The following HBS1L variants were observed in gnomAD, a reference collection of about 807,000 sequenced individuals.
The protein encoded by HBS1L is HBS1-like protein.
Under a neutral mutation model 88.9 loss-of-function variants are expected in HBS1L, and 55 were observed. The ratio of observed to expected loss-of-function variants is 0.62; its 90% confidence interval spans 0.50 to 0.77. The LOEUF (loss-of-function observed/expected upper bound fraction) is 0.77, where lower values mean the gene tolerates loss of function less well. Among genes scored for constraint, HBS1L ranks in the 30% least tolerant of loss-of-function variants. HBS1L has a pLI of 0.00. For missense variants in HBS1L, 741 were observed against 829.3 expected (o/e 0.89, Z 1.31); for synonymous variants, 267 against 288.5 (o/e 0.93, Z 0.76).
At chr6:134,974,986 T>C (rs1347092398) in intron 15 of HBS1L, among the ~76,000 whole-genome samples, 1 of 152,158 alleles carries the variant, frequency 6.6e-6, no homozygotes, top group Non-Finnish European at 1.5e-5. Context: ...TGTTTGCCAA[T>C]GATATAATTA....
chr6:135,001,813 G>T (rs773216818), intron 5 of HBS1L, among the ~76,000 whole-genome samples: 3 of 151,440 alleles, frequency 2.0e-5, no homozygotes, highest in Non-Finnish European at 4.4e-5. Flanking sequence ...AATTGAACTA[G>T]GTGATAAACA....
At chr6:134,994,000 T>A in intron 7 of HBS1L, 125 bp from the exon 8 acceptor site, 1 of 425,306 alleles carries the variant, frequency 2.4e-6, no homozygotes, top group Non-Finnish European at 4.2e-6. Context: ...TAGACTATTA[T>A]TTTTGAATAA....
At chr6:135,047,369 T>C (rs186063327) in intron 2 of HBS1L, among the ~76,000 whole-genome samples, 22 of 152,302 alleles carry the variant, frequency 1.4e-4, no homozygotes, top group Middle Eastern at 3.4e-3. Flanking sequence ...AAAGCCATAT[T>C]CAACCAACTT....
At position 135,041,990 on chromosome 6, in the gene HBS1L, T is replaced by C; in HGVS notation, c.235+11A>G. 1 of 1,611,478 alleles carries C rather than the reference T, an allele frequency of 6.2e-7. No individual in the cohort carries two copies. ...ACTTTCAGATAACAGATACACTACT[T>C]TTTGCTATACCTTGATCAAATCCAC... On this transcript the variant is annotated intron_variant, in intron 3 of 17. Transcript: ENST00000367837.
Position 135,017,667 on chromosome 6 carries a change from T to C in HBS1L, c.431-14825A>G, listed in dbSNP as rs972479817. Among the ~76,000 whole-genome samples the C allele has an allele frequency of 4.6e-5, 7 of 152,116 alleles. No individual in the cohort carries two copies. The East Asian group carries it at 1.2e-3, about 25-fold the overall frequency. On this transcript the variant is annotated intron_variant, in intron 4 of 17. Transcript: ENST00000367837. ...ATAGGATACAGAAATGTATGTATAA[T>C]ATAACCTTAACAACATAAAGAATAG...
At chr6:135,008,275 C>A (rs1214135817) in intron 4 of HBS1L, among the ~76,000 whole-genome samples, 1 of 152,132 alleles carries the variant, frequency 6.6e-6, no homozygotes, top group African/African-American at 2.4e-5. Flanking sequence ...GAAATAATAG[C>A]CACCCAGCTG....
rs1429486899 is a variant in HBS1L at position 134,961,108 on chromosome 6, T to C, written c.*4171A>G. The C allele has an allele frequency of 7.3e-6, 1 of 137,194 alleles. No individual in the cohort carries two copies. Among genetic ancestry groups the C allele is most frequent in the African/African-American group, 2.8e-5 (1 of 35,490 alleles). 8.5% of individuals were successfully genotyped at this position (137,194 alleles called of 1,614,324 possible). On this transcript the variant is annotated 3_prime_UTR_variant, in exon 18 of 18. Coordinates refer to ENST00000367837, the MANE Select transcript of HBS1L (RefSeq NM_006620.4). ...TTCTTTGCTTTTTTTTTTTTTTTTT[T>C]TGCATTGATATGAATAGTTTCACTA...
intron 4 of HBS1L, among the ~76,000 whole-genome samples, chr6:135,024,620 T>C (rs1469469732): frequency 6.6e-6 from 1 of 150,810 alleles, no homozygotes; most frequent in Non-Finnish European, 1.5e-5. Context: ...TATTCCACAA[T>C]TTTATTACCC....
At chr6:135,004,615 G>A (rs962048483) in intron 4 of HBS1L, among the ~76,000 whole-genome samples, 9 of 152,018 alleles carry the variant, frequency 5.9e-5, no homozygotes, top group Admixed American at 3.9e-4. Context: ...AACGGAGGCG[G>A]AAGTTACCAA....
intron 4 of HBS1L, among the ~76,000 whole-genome samples, chr6:135,016,411 A>C (rs1379395257): frequency 6.6e-6 from 1 of 152,162 alleles, no homozygotes; most frequent in African/African-American, 2.4e-5. Flanking sequence ...GTTTACTACA[A>C]TTTTTACTTC....
intron 3 of HBS1L, among the ~76,000 whole-genome samples, chr6:135,041,160 A>G (rs986438661): frequency 6.6e-6 from 1 of 150,980 alleles, no homozygotes; most frequent in Non-Finnish European, 1.5e-5. Flanking sequence ...AAAAAAAAGT[A>G]TTTGATACTT....
At chr6:135,026,070 C>A (rs993422037) in intron 4 of HBS1L, among the ~76,000 whole-genome samples, 6 of 152,124 alleles carry the variant, frequency 3.9e-5, no homozygotes, top group Admixed American at 6.6e-5. Context: ...CTAAACTATT[C>A]TTTTCAATTT....
rs1174218589 is a variant in HBS1L, at chr6:134,996,772, A to T, written c.965+5T>A. On this transcript the variant is annotated splice_donor_5th_base_variant and intron_variant, in intron 7 of 17. Coordinates refer to ENST00000367837, the MANE Select transcript of HBS1L (RefSeq NM_006620.4). ...AAACTGAAAATTTTGAAATATAGTGACTACCTTTCCCTTTCTTCGCCAGTT... is the reference window on the plus strand; with the variant it reads ...AAACTGAAAATTTTGAAATATAGTGTCTACCTTTCCCTTTCTTCGCCAGTT... 1 of 1,579,734 alleles carries T rather than the reference A, an allele frequency of 6.3e-7. No homozygotes were observed. The highest frequency in any genetic ancestry group is 1.2e-5 in the South Asian group (1 of 84,194).
Position 134,966,284 on chromosome 6 carries a change from C to T in HBS1L, c.2043+45G>A, listed in dbSNP as rs112524246. On this transcript the variant is annotated intron_variant, in intron 17 of 17. Coordinates refer to ENST00000367837, the MANE Select transcript of HBS1L (RefSeq NM_006620.4). ...TTCCTAAAAGGTAAAAAAGAAAAGG[C>T]ATCATAACTATGGATATATAATGAG... is the stretch of plus-strand genomic sequence containing the variant. The T allele has an allele frequency of 1.5e-3, 2,192 of 1,509,258 alleles. 23 individuals are homozygous for T. The African/African-American group carries it at 0.018, about 12-fold the overall frequency. 93.5% of individuals were successfully genotyped at this position (1,509,258 alleles called of 1,614,324 possible).
chr6:135,053,829 T>C (rs956344324), intron 1 of HBS1L, among the ~76,000 whole-genome samples: 1 of 152,250 alleles, frequency 6.6e-6, no homozygotes, highest in African/African-American at 2.4e-5. Context: ...TGCCTATAGT[T>C]ATCTACTGCA....
rs746937061 is a variant in HBS1L at position 134,969,290 on chromosome 6, A to G, written c.1846T>C (p.Leu616=). The G allele has an allele frequency of 6.2e-7, 1 of 1,613,890 alleles. No individual in the cohort carries two copies. The highest frequency in any genetic ancestry group is 8.5e-7 in the Non-Finnish European group (1 of 1,179,836). The change falls in exon 16 of 18, where the codon TTG becomes CTG. Residue 616 remains leucine, a synonymous_variant. Transcript: ENST00000367837. ...GTGCTTTTGTTTAAGACACTAATCA[A>G]TCGTTTAATAACGGCGGGTTCACTG... is the stretch of plus-strand genomic sequence containing the variant. ...TVSEPAVIKR[L]ISVLNKSTGE...
chr6:135,009,664 C>T (rs1223924312), intron 4 of HBS1L, among the ~76,000 whole-genome samples: 4 of 151,942 alleles, frequency 2.6e-5, no homozygotes, highest in Non-Finnish European at 4.4e-5. Flanking sequence ...GACGGAGTCT[C>T]GCTCTGTTGC....
chr6:135,005,172 G>C (rs1339533623), intron 4 of HBS1L, among the ~76,000 whole-genome samples: 1 of 152,166 alleles, frequency 6.6e-6, no homozygotes, highest in African/African-American at 2.4e-5. Context: ...AGTGAGAAAA[G>C]TAAAAGGCAA....
chr6:135,028,312 AGAAAACCATAC>A (rs1165521759), intron 4 of HBS1L, among the ~76,000 whole-genome samples: 29 of 151,976 alleles, frequency 1.9e-4, no homozygotes, highest in African/African-American at 7.0e-4. Context: ...ACTAGAGGAG[AGAAAACCATAC>A]TGAAAATGAG....
Sources: allele counts gnomAD v4.1 joint callset (sites outside exome capture counted in the v4.1 genomes callset), GRCh38; gene constraint gnomAD v4.1.1; transcripts MANE v1.5; gene names NCBI Gene and HGNC (gene_info 2026-07-23, HGNC 2026-07-21).